Variants in TTN observed in about 807,000 individuals in gnomAD.
TTN encodes connectin.
A neutral mutation model predicts 3,223.0 loss-of-function variants in TTN; 1,525 were observed. That is an observed-to-expected ratio of 0.47 (90% confidence interval 0.45 to 0.49). The LOEUF is 0.49. Among genes scored for constraint, TTN ranks in the 20% least tolerant of loss-of-function variants. The probability of loss-of-function intolerance (pLI) is 0.00; values close to 1 mark genes in which losing one functional copy is unlikely to be tolerated. For missense variants in TTN, 40,786 were observed against 43,424.0 expected (o/e 0.94, Z 5.40); for synonymous variants, 14,094 against 15,161.0 (o/e 0.93, Z 5.17).
rs1694980968 is a variant in TTN, at chr2:178,542,318, A to G, written c.97438T>C (p.Phe32480Leu). 6.2e-7 allele frequency: 1 copy of G among 1,612,834 alleles called. No homozygotes were observed. The highest frequency in any genetic ancestry group is 8.5e-7 in the Non-Finnish European group (1 of 1,179,472). ...GACTGCAAGTAAGAGCCAATCCCGA[A>G]GCGGTTTGTTGCAGCCACACGGAAC... ...YVFRVAATNR[F>L]GIGSYLQSEV... The change falls in exon 349 of 363, where the codon TTC becomes CTC. Residue 32480 changes from phenylalanine (F) to leucine (L), a missense_variant. Coordinates refer to ENST00000589042, the MANE Select transcript of TTN (RefSeq NM_001267550.2).
chr2:178,739,356 G>T lies in TTN; in HGVS notation c.13877C>A (p.Thr4626Lys), dbSNP rs886039164. ...CTCTTTAGCATTTGTTATGGATGTT[G>T]TGAGGTGTACAATATCACCTTCCTC... ...VSEEGDIVHL[T>K]TSITNAKEVN... Residue 4626 changes from threonine (T) to lysine (K), a missense_variant, in exon 48 of 363, where the codon ACA becomes AAA. Thr to Lys is a moderately conservative substitution (Grantham distance 78, BLOSUM62 -1). Coordinates refer to ENST00000589042, the MANE Select transcript of TTN (RefSeq NM_001267550.2). 1.2e-6 allele frequency: 2 copies of T among 1,613,708 alleles called. No individual in the cohort carries two copies. Among genetic ancestry groups the T allele is most frequent in the Non-Finnish European group, 1.7e-6 (2 of 1,179,828 alleles).
intron 47 of TTN, chr2:178,748,939 T>G (rs1318956973): frequency 7.4e-6 from 12 of 1,612,440 alleles, no homozygotes; most frequent in African/African-American, 1.3e-5. Context: ...CAATCTTCTT[T>G]TGAGGAGGAT....
At chr2:178,592,334 A>C (rs1012417172) in intron 301 of TTN, 45 bp downstream of exon 301, 1 of 1,597,536 alleles carries the variant, frequency 6.3e-7, no homozygotes, top group African/African-American at 1.4e-5. Context: ...AGAGCTCAAA[A>C]TTATCAAAAT....
rs1246339782 is a variant in TTN, at chr2:178,619,752, C to A, written c.46565G>T (p.Gly15522Val). Residue 15522 changes from glycine (G) to valine (V), a missense_variant, in exon 250 of 363, where the codon GGT (glycine) becomes GTT (valine). Gly to Val is a moderately radical substitution (Grantham distance 109, BLOSUM62 -3). Transcript: ENST00000589042. ...WLRNNMVVVQGDKHQMMSEGK... is the reference protein window; with the variant it reads ...WLRNNMVVVQVDKHQMMSEGK... ...TTCACTCATCATCTGGTGTTTATCA[C>A]CCTGGACAACAACCATGTTATTTCT... The A allele has an allele frequency of 6.2e-7, 1 of 1,612,406 alleles. No homozygotes were observed. The highest frequency in any genetic ancestry group is 1.1e-5 in the South Asian group (1 of 91,022).
chr2:178,697,917 A>T (rs962303272), intron 112 of TTN, among the ~76,000 whole-genome samples: 1 of 152,180 alleles, frequency 6.6e-6, no homozygotes, highest in Non-Finnish European at 1.5e-5. Flanking sequence ...ATGTGACTTT[A>T]TCAAGACCAG....
At chr2:178,663,135 T>G (rs574128803) in intron 173 of TTN, 80 bp from the exon 174 acceptor site, 3 of 1,608,924 alleles carry the variant, frequency 1.9e-6, no homozygotes, top group Admixed American at 1.7e-5. Context: ...CACCAAGATA[T>G]TTTGGATAGC....
At chr2:178,615,865 A>G in intron 257 of TTN, 77 bp from the exon 258 acceptor site, 1 of 1,476,262 alleles carries the variant, frequency 6.8e-7, no homozygotes, top group Non-Finnish European at 9.1e-7. Flanking sequence ...TACCATGACC[A>G]GGGATACAAA....
At chr2:178,543,713 T>G (rs1358912558) in intron 346 of TTN, 51 bp from the exon 347 acceptor site, 2 of 1,521,798 alleles carry the variant, frequency 1.3e-6, no homozygotes, top group Non-Finnish European at 1.8e-6. Flanking sequence ...GATAGCTTTT[T>G]TTTTCTTGGG....
Position 178,728,683 on chromosome 2 carries a change from T to C in TTN, c.19243A>G (p.Lys6415Glu), listed in dbSNP as rs1236523365. 6.2e-7 allele frequency: 1 copy of C among 1,613,422 alleles called. No individual in the cohort carries two copies. The highest frequency in any genetic ancestry group is 1.7e-5 in the Admixed American group (1 of 59,950). Residue 6415 changes from lysine (K) to glutamate (E), a missense_variant, in exon 66 of 363, where the codon AAA becomes GAA. Coordinates refer to ENST00000589042, the MANE Select transcript of TTN (RefSeq NM_001267550.2). ...ECVVAGTPELKVKWLKDGKQI... is the reference protein window; with the variant it reads ...ECVVAGTPELEVKWLKDGKQI... Reference sequence around the variant, plus strand: ...TTCCCGTCTTTAAGCCATTTCACTTTGAGTTCTGGTGTTCCAGCCACAACA... The same window carrying C: ...TTCCCGTCTTTAAGCCATTTCACTTCGAGTTCTGGTGTTCCAGCCACAACA...
Position 178,543,378 on chromosome 2 carries a change from C to A in TTN, c.96595G>T (p.Val32199Phe). 6.2e-7 allele frequency: 1 copy of A among 1,613,850 alleles called. No homozygotes were observed. Among genetic ancestry groups the A allele is most frequent in the Non-Finnish European group, 8.5e-7 (1 of 1,179,806 alleles). The change falls in exon 347 of 363, where the codon GTC becomes TTC. Residue 32199 changes from valine (V) to phenylalanine (F), a missense_variant. Val to Phe is a conservative substitution (Grantham distance 50). Transcript: ENST00000589042. The part of the protein sequence containing the change: ...EPCETSDAVL[V>F]SEVPLVPAKL... ...GCAGGCACCAAAGGCACTTCTGAGA[C>A]CAGTACTGCATCAGATGTTTCACAA...
intron 44 of TTN, 46 bp from the exon 45 acceptor site, chr2:178,757,962 A>C: frequency 6.7e-7 from 1 of 1,496,598 alleles, no homozygotes; most frequent in Non-Finnish European, 8.9e-7. Flanking sequence ...TTGCACTGAA[A>C]CCAGAACTCA....
rs755457407 is a variant in TTN, at chr2:178,566,900, T to A, written c.79232A>T (p.Asp26411Val). The A allele has an allele frequency of 6.2e-7, 1 of 1,613,584 alleles. No homozygotes were observed. The highest frequency in any genetic ancestry group is 8.5e-7 in the Non-Finnish European group (1 of 1,179,660). ...AATAATCTCACTTCCACCATCACTA[T>A]CTGGACGGTTCCAACAGACGGTCAT... is the stretch of plus-strand genomic sequence containing the variant. ...DSMTVCWNRP[D>V]SDGGSEIIGY... Residue 26411 changes from aspartate (D) to valine (V), a missense_variant, in exon 326 of 363, where the codon GAT becomes GTT. Transcript: ENST00000589042.
rs774659393 is a variant in TTN at position 178,741,906 on chromosome 2, A to G, written c.11327T>C (p.Phe3776Ser). The G allele has an allele frequency of 1.2e-5, 19 of 1,542,710 alleles. No homozygotes were observed. The highest frequency in any genetic ancestry group is 1.5e-5 in the Non-Finnish European group (17 of 1,143,830). ...EMEMKEFSSSFLSAEEEGLHS... is the reference protein window; with the variant it reads ...EMEMKEFSSSSLSAEEEGLHS... ...AAGTCCTTCTTCCTCGGCAGACAGA[A>G]AAGAACTAGAAAACTCTGTATGGGG... The change falls in exon 48 of 363, where the codon TTT becomes TCT. Residue 3776 changes from phenylalanine (F) to serine (S), a missense_variant. Phe to Ser is a radical substitution (Grantham distance 155). Coordinates refer to ENST00000589042, the MANE Select transcript of TTN (RefSeq NM_001267550.2).
intron 238 of TTN, 41 bp downstream of exon 238, chr2:178,630,763 A>G (rs2059702411): frequency 1.3e-6 from 2 of 1,577,580 alleles, no homozygotes; most frequent in East Asian, 2.2e-5. Context: ...TCTAATTCAC[A>G]CAGCTCCTTT....
rs886043718 is a variant in TTN at position 178,609,960 on chromosome 2, CTACA to C, written c.51459_51462del (p.Asp17153GlufsTer11). The C allele has an allele frequency of 2.5e-6, 4 of 1,612,352 alleles. No homozygotes were observed. The highest frequency in any genetic ancestry group is 2.7e-5 in the African/African-American group (2 of 74,912). On this transcript the variant is annotated frameshift_variant, in exon 272 of 363. Transcript: ENST00000589042. LOFTEE classifies it high-confidence loss of function. ...GCCTCCGCTGTAGGATTATGAACCT[CTACA>C]TCTACAGGTGGATCAGGGGGTTCTG... is the stretch of plus-strand genomic sequence containing the variant.
chr2:178,699,877 A>G (rs1462782375), intron 111 of TTN, among the ~76,000 whole-genome samples: 3 of 144,146 alleles, frequency 2.1e-5, no homozygotes, highest in South Asian at 2.2e-4. Context: ...ACAGGTGCCC[A>G]CCACCACGCC....
intron 264 of TTN, 36 bp from the exon 265 acceptor site, chr2:178,613,108 A>G: frequency 1.2e-6 from 2 of 1,611,282 alleles, no homozygotes; most frequent in Non-Finnish European, 1.7e-6. Flanking sequence ...AGGTTTGTCA[A>G]AAAGGAGTTC....
chr2:178,678,795 T>C lies in TTN; in HGVS notation c.33778A>G (p.Lys11260Glu). 6.2e-7 allele frequency: 1 copy of C among 1,604,634 alleles called. No homozygotes were observed. ...EVPKKPVPEE[K>E]VPVPVPKKVE... ...TTTTTAGGAACTGGTACTGGTACTTTCTCCTCTGGCACAGGTTTCTTGGGC... is the reference window on the plus strand; with the variant it reads ...TTTTTAGGAACTGGTACTGGTACTTCCTCCTCTGGCACAGGTTTCTTGGGC... The change falls in exon 143 of 363, where the codon AAA becomes GAA. Residue 11260 changes from lysine (K) to glutamate (E), a missense_variant. Transcript: ENST00000589042.
At position 178,569,264 on chromosome 2, in the gene TTN, T is replaced by C; in HGVS notation, c.76868A>G (p.Glu25623Gly). ...ITKDSVSITW[E>G]PPLLDGGSKI... ...GGATCCCCCATCCAACAAAGGAGGT[T>C]CCCATGTAATTGATACTGAGTCTTT... is the stretch of plus-strand genomic sequence containing the variant. The change falls in exon 326 of 363, where the codon GAA (glutamate) becomes GGA (glycine). Residue 25623 changes from glutamate (E) to glycine (G), a missense_variant. Coordinates refer to ENST00000589042, the MANE Select transcript of TTN (RefSeq NM_001267550.2). 1 of 1,605,824 alleles carries C rather than the reference T, an allele frequency of 6.2e-7. No individual in the cohort carries two copies. Among genetic ancestry groups the C allele is most frequent in the Non-Finnish European group, 8.5e-7 (1 of 1,175,466 alleles).
Sources: allele counts gnomAD v4.1 joint callset (sites outside exome capture counted in the v4.1 genomes callset), GRCh38; gene constraint gnomAD v4.1.1; transcripts MANE v1.5; gene names NCBI Gene and HGNC (gene_info 2026-07-23, HGNC 2026-07-21).